LRRTM3: variants seen among roughly 807,000 people sequenced by gnomAD.
LRRTM3 encodes the protein leucine rich repeat transmembrane neuronal 3, also known as leucine-rich repeat transmembrane neuronal protein 3.
Under a neutral mutation model 44.7 loss-of-function variants are expected in LRRTM3, and 24 were observed. The ratio of observed to expected loss-of-function variants is 0.54; its 90% confidence interval spans 0.39 to 0.76. The LOEUF is 0.76. LRRTM3 is among the 30% of genes least tolerant of loss of function. The pLI is 0.00. For synonymous variants in LRRTM3, 277 were observed against 278.7 expected (o/e 0.99, Z 0.06); for missense variants, 587 against 702.2 (o/e 0.84, Z 1.85).
In LRRTM3 at chr10:67,099,816, T is replaced by C. The variant is rs1312834632; in HGVS notation, c.*2020T>C. On this transcript the variant is annotated 3_prime_UTR_variant, in exon 3 of 3. Transcript: ENST00000361320. ...TTTAAATCTAATTTTAATCTTTATG[T>C]TTTCCATTTTCTAATTTCCTTGCAA... 1 of 151,836 alleles carries C rather than the reference T, an allele frequency of 6.6e-6. No individual in the cohort carries two copies. Among genetic ancestry groups the C allele is most frequent in the South Asian group, 2.1e-4 (1 of 4,828 alleles). The allele number at this position is 151,836 out of a possible 1,614,324, so 9.4% of individuals were successfully genotyped here.
At chr10:66,998,205 C>T (rs9633546) in intron 2 of LRRTM3, among the ~76,000 whole-genome samples, 43,895 of 152,102 alleles carry the variant, frequency 0.29, 7,368 homozygotes, top group African/African-American at 0.47. Flanking sequence ...GTCTCATCTA[C>T]CTTCCCATAT....
chr10:66,928,993 T>C (rs1014246503), intron 2 of LRRTM3, among the ~76,000 whole-genome samples: 1 of 152,134 alleles, frequency 6.6e-6, no homozygotes, highest in Non-Finnish European at 1.5e-5. Context: ...CAGGAAACTA[T>C]CAAAAGATGG....
chr10:67,029,607 C>T (rs1295305504), intron 2 of LRRTM3, among the ~76,000 whole-genome samples: 5 of 152,134 alleles, frequency 3.3e-5, no homozygotes, highest in Admixed American at 2.0e-4. Context: ...ACGTAGGTTA[C>T]AAAAGAGAGG....
intron 2 of LRRTM3, among the ~76,000 whole-genome samples, chr10:66,996,041 A>G (rs1464903170): frequency 1.3e-5 from 2 of 152,146 alleles, no homozygotes; most frequent in Non-Finnish European, 2.9e-5. Flanking sequence ...GCTTTATTTT[A>G]CCTACTTATT....
At chr10:66,969,210 G>A (rs1032466759) in intron 2 of LRRTM3, among the ~76,000 whole-genome samples, 7 of 151,838 alleles carry the variant, frequency 4.6e-5, no homozygotes, top group African/African-American at 1.7e-4. Context: ...AAAACCACCA[G>A]CAAACATTCA....
chr10:67,050,364 G>A (rs1470371850), intron 2 of LRRTM3, among the ~76,000 whole-genome samples: 1 of 151,634 alleles, frequency 6.6e-6, no homozygotes, highest in Non-Finnish European at 1.5e-5. Context: ...TTTATAGAGA[G>A]GAAAATATAT....
chr10:66,950,373 T>C (rs1848479919), intron 2 of LRRTM3, among the ~76,000 whole-genome samples: 1 of 152,064 alleles, frequency 6.6e-6, no homozygotes, highest in Non-Finnish European at 1.5e-5. Context: ...TTTTTTTGTA[T>C]CCTAAACATG....
intron 2 of LRRTM3, among the ~76,000 whole-genome samples, chr10:67,012,680 C>G (rs1324066758): frequency 6.6e-6 from 1 of 152,030 alleles, no homozygotes; most frequent in African/African-American, 2.4e-5. Flanking sequence ...ATTGGTTGTC[C>G]TCTTAACTTG....
intron 2 of LRRTM3, among the ~76,000 whole-genome samples, chr10:66,977,773 T>C (rs1353342240): frequency 6.6e-6 from 1 of 152,166 alleles, no homozygotes; most frequent in African/African-American, 2.4e-5. Context: ...CTGAGTTGGG[T>C]GGATAGTTTT....
chr10:67,001,559 A>T lies in LRRTM3; in HGVS notation c.1536+73107A>T, dbSNP rs575152185. ...TGAAGTAAAACTTTCTAATTATTTTAAAAAACCTTATAATATATCATTACT... is the reference window on the plus strand; with the variant it reads ...TGAAGTAAAACTTTCTAATTATTTTTAAAAACCTTATAATATATCATTACT... On this transcript the variant is annotated intron_variant, in intron 2 of 2. Transcript: ENST00000361320. Among the ~76,000 whole-genome samples, 15 of 152,170 alleles carry T rather than the reference A, an allele frequency of 9.9e-5. No homozygotes were observed. The South Asian group carries it at 2.5e-3, about 25-fold the overall frequency.
chr10:67,044,677 T>G (rs183678333), intron 2 of LRRTM3, among the ~76,000 whole-genome samples: 2 of 152,304 alleles, frequency 1.3e-5, no homozygotes, highest in East Asian at 3.9e-4. Flanking sequence ...TAACTTTTGT[T>G]TTTAATGACT....
intron 2 of LRRTM3, 75 bp from the exon 3 acceptor site, chr10:67,097,512 C>T: frequency 2.2e-6 from 3 of 1,349,432 alleles, no homozygotes; most frequent in Non-Finnish European, 3.1e-6. Flanking sequence ...CAGGTCAGCA[C>T]TTCAGTCTCT....
intron 2 of LRRTM3, among the ~76,000 whole-genome samples, chr10:67,025,548 A>G (rs1853318647): frequency 6.6e-6 from 1 of 152,122 alleles, no homozygotes; most frequent in Non-Finnish European, 1.5e-5. Context: ...TGTATTTTGC[A>G]TCTTGTTATT....
intron 2 of LRRTM3, among the ~76,000 whole-genome samples, chr10:66,930,298 C>T (rs934504893): frequency 6.6e-5 from 10 of 152,278 alleles, no homozygotes; most frequent in African/African-American, 2.4e-4. Flanking sequence ...GTTGAATATA[C>T]ATGTATTCAT....
chr10:66,945,643 A>C (rs531522285), intron 2 of LRRTM3, among the ~76,000 whole-genome samples: 1 of 152,258 alleles, frequency 6.6e-6, no homozygotes, highest in East Asian at 1.9e-4. Flanking sequence ...TTGGCTAGCT[A>C]TTTGGCAAAA....
At chr10:66,993,649 G>A (rs1444189916) in intron 2 of LRRTM3, among the ~76,000 whole-genome samples, 1 of 147,228 alleles carries the variant, frequency 6.8e-6, no homozygotes, top group Non-Finnish European at 1.5e-5. Flanking sequence ...TTCAACAAAT[G>A]TTTATTGAGT....
At chr10:66,958,176 G>A (rs541622694) in intron 2 of LRRTM3, among the ~76,000 whole-genome samples, 101 of 151,882 alleles carry the variant, frequency 6.6e-4, no homozygotes, top group Non-Finnish European at 8.8e-5. Context: ...TGTGAATATT[G>A]AATAAAAGAG....
intron 2 of LRRTM3, among the ~76,000 whole-genome samples, chr10:66,990,563 CCCACATTT>C (rs1850987293): frequency 6.6e-6 from 1 of 152,058 alleles, no homozygotes; most frequent in Admixed American, 6.6e-5. Flanking sequence ...TAGTCTAATA[CCCACATTT>C]AGCATTCAAG....
intron 2 of LRRTM3, among the ~76,000 whole-genome samples, chr10:67,017,267 A>G (rs532550857): frequency 2.9e-4 from 44 of 152,336 alleles, no homozygotes; most frequent in Non-Finnish European, 2.8e-4. Flanking sequence ...CCAACTTCAA[A>G]TAAACTAGGC....
Sources: allele counts gnomAD v4.1 joint callset (sites outside exome capture counted in the v4.1 genomes callset), GRCh38; gene constraint gnomAD v4.1.1; transcripts MANE v1.5; gene names NCBI Gene and HGNC (gene_info 2026-07-23, HGNC 2026-07-21).